CDH18: variants seen among roughly 807,000 people sequenced by gnomAD.
The protein encoded by CDH18 is cadherin-18.
Under a neutral mutation model 67.9 loss-of-function variants are expected in CDH18, and 31 were observed. The ratio of observed to expected loss-of-function variants is 0.46; its 90% CI spans 0.34 to 0.62. CDH18 has a LOEUF of 0.62. CDH18 is among the 20% of genes least tolerant of loss of function. CDH18 has a pLI of 0.01. For synonymous variants in CDH18, 362 were observed against 347.2 expected (o/e 1.04, Z -0.48); for missense variants, 890 against 975.5 (o/e 0.91, Z 1.17).
chr5:19,859,662 A>C (rs1161602019), intron 2 of CDH18, among the ~76,000 whole-genome samples: 1 of 152,136 alleles, frequency 6.6e-6, no homozygotes, highest in African/African-American at 2.4e-5. Flanking sequence ...AACAATTGCC[A>C]ATCAAAATCT....
At chr5:19,707,479 G>T (rs1764119286) in intron 5 of CDH18, among the ~76,000 whole-genome samples, 1 of 152,166 alleles carries the variant, frequency 6.6e-6, no homozygotes, top group Admixed American at 6.5e-5. Flanking sequence ...CCCCCCAGTG[G>T]AGGTATACAC....
chr5:20,175,203 AG>A (rs1358294898), intron 2 of CDH18, among the ~76,000 whole-genome samples: 1 of 152,044 alleles, frequency 6.6e-6, no homozygotes, highest in Non-Finnish European at 1.5e-5. Context: ...AAAAATGAAA[AG>A]AAAAAGAGTA....
rs7720284 is a variant in CDH18 at position 20,148,339 on chromosome 5, C to T, written c.-518+107105G>A. Among the ~76,000 whole-genome samples the T allele has an allele frequency of 9.4e-3, 1,438 of 152,186 alleles. 14 individuals carry two copies. Among genetic ancestry groups the T allele is most frequent in the African/African-American group, 0.011 (475 of 41,532 alleles). Reference sequence around the variant, plus strand: ...GTCTCGATCTCCTGACCTCGTGATCCGCCCGCCTTGGCCTCCCAAAGTGCT... The same window carrying T: ...GTCTCGATCTCCTGACCTCGTGATCTGCCCGCCTTGGCCTCCCAAAGTGCT... On this transcript the variant is annotated intron_variant, in intron 2 of 14. Coordinates refer to the CDH18 transcript ENST00000507958.
At chr5:20,117,009 ATGTGTGTGTGTGTGTGTGTGAG>A (rs1043146325) in intron 2 of CDH18, among the ~76,000 whole-genome samples, 35 of 149,030 alleles carry the variant, frequency 2.3e-4, no homozygotes, top group African/African-American at 8.5e-4. Flanking sequence ...GGAGAGATAA[ATGTGTGTGTGTGTGTGTGTGAG>A]TGTGTGTGTG....
chr5:19,928,332 AC>A (rs1306387473), intron 2 of CDH18, among the ~76,000 whole-genome samples: 4 of 152,190 alleles, frequency 2.6e-5, no homozygotes. Context: ...ATGTTTGCAA[AC>A]ACTTAAAAGA....
intron 1 of CDH18, among the ~76,000 whole-genome samples, chr5:20,511,491 T>C (rs1334871952): frequency 1.3e-5 from 2 of 152,184 alleles, no homozygotes; most frequent in African/African-American, 2.4e-5. Context: ...ATAATATATA[T>C]ATTCTAATAG....
intron 2 of CDH18, among the ~76,000 whole-genome samples, chr5:20,183,641 T>G (rs1348319517): frequency 2.0e-5 from 3 of 152,108 alleles, no homozygotes; most frequent in Admixed American, 6.6e-5. Context: ...ATTCAAAATC[T>G]TTTTGTTTAT....
intron 2 of CDH18, among the ~76,000 whole-genome samples, chr5:20,097,700 T>C (rs568546310): frequency 6.6e-6 from 1 of 152,320 alleles, no homozygotes; most frequent in East Asian, 1.9e-4. Flanking sequence ...ATAATACTGA[T>C]CTGATTAAGA....
At chr5:19,964,407 C>T (rs1797219153) in intron 2 of CDH18, among the ~76,000 whole-genome samples, 1 of 149,786 alleles carries the variant, frequency 6.7e-6, no homozygotes, top group African/African-American at 2.5e-5. Context: ...ATAGTGAGAC[C>T]CTGTCTCTAC....
At chr5:20,369,852 A>G (rs1742831200) in intron 1 of CDH18, among the ~76,000 whole-genome samples, 1 of 152,148 alleles carries the variant, frequency 6.6e-6, no homozygotes, top group Non-Finnish European at 1.5e-5. Flanking sequence ...TTAACATAAA[A>G]TTTCCATTTT....
At chr5:20,313,800 A>G (rs2149994197) in intron 1 of CDH18, among the ~76,000 whole-genome samples, 1 of 152,156 alleles carries the variant, frequency 6.6e-6, no homozygotes, top group Non-Finnish European at 1.5e-5. Context: ...ACAGTTTTAC[A>G]CACATACATC....
At chr5:19,702,648 A>T (rs1031051194) in intron 5 of CDH18, among the ~76,000 whole-genome samples, 1 of 151,974 alleles carries the variant, frequency 6.6e-6, no homozygotes, top group African/African-American at 2.4e-5. Context: ...TGCACCTGTA[A>T]TCCCAGGCAC....
chr5:20,136,252 C>T (rs1419916733), intron 2 of CDH18, among the ~76,000 whole-genome samples: 1 of 152,134 alleles, frequency 6.6e-6, no homozygotes, highest in Admixed American at 6.5e-5. Flanking sequence ...TCTCTAAGGA[C>T]TTGCTTTATG....
chr5:20,188,863 A>AAC lies in CDH18; in HGVS notation c.-518+66580_-518+66581insGT, dbSNP rs1554100582. ...ATTTTCTAGGCAAAAAAAAAAAAAA[A>AAC]TCCACTCTCTCCAAAGGATATATAC... On this transcript the variant is annotated intron_variant, in intron 2 of 14. Transcript: ENST00000507958. 2.8e-3 allele frequency among the ~76,000 whole-genome samples: 421 copies of AAC among 150,776 alleles called. 6 individuals carry two copies. The highest frequency in any genetic ancestry group is 9.9e-3 in the African/African-American group (403 of 40,650).
At chr5:20,364,228 T>C (rs1034637226) in intron 1 of CDH18, among the ~76,000 whole-genome samples, 1 of 151,998 alleles carries the variant, frequency 6.6e-6, no homozygotes, top group African/African-American at 2.4e-5. Flanking sequence ...ATAAGTAGCT[T>C]ATGTACATGT....
At chr5:20,345,686 A>C (rs1740642295) in intron 1 of CDH18, among the ~76,000 whole-genome samples, 1 of 152,100 alleles carries the variant, frequency 6.6e-6, no homozygotes. Flanking sequence ...TCAGAATCTT[A>C]GTAATTGTTA....
intron 3 of CDH18, among the ~76,000 whole-genome samples, chr5:19,761,020 T>C (rs527404772): frequency 2.6e-5 from 4 of 152,300 alleles, no homozygotes; most frequent in Admixed American, 6.5e-5. Context: ...CCCAGGTTTA[T>C]TGGGGTCCTC....
chr5:20,209,174 G>A (rs370868652), intron 2 of CDH18, among the ~76,000 whole-genome samples: 53 of 152,088 alleles, frequency 3.5e-4, no homozygotes, highest in African/African-American at 7.7e-4. Context: ...GAGTACAACC[G>A]TTATGAAAAA....
chr5:20,343,501 G>T (rs1740440475), intron 1 of CDH18, among the ~76,000 whole-genome samples: 1 of 152,078 alleles, frequency 6.6e-6, no homozygotes, highest in Admixed American at 6.6e-5. Flanking sequence ...AATATATGTG[G>T]CTAGGGAGGA....
Sources: allele counts gnomAD v4.1 joint callset (sites outside exome capture counted in the v4.1 genomes callset), GRCh38; gene constraint gnomAD v4.1.1; transcripts MANE v1.5; gene names NCBI Gene and HGNC (gene_info 2026-07-23, HGNC 2026-07-21).